RPL13: variants seen among roughly 807,000 people sequenced by gnomAD.
RPL13 encodes ribosomal protein L13.
A neutral mutation model predicts 21.4 loss-of-function variants in RPL13; 1 was observed. The ratio of observed to expected loss-of-function variants is 0.05; its 90% CI spans 0.02 to 0.22. The LOEUF is 0.22. RPL13 is among the 10% of genes least tolerant of loss of function. The pLI, the probability that RPL13 is intolerant of heterozygous loss-of-function variation, is 1.00. For missense variants in RPL13, 289 were observed against 303.0 expected (o/e 0.95, Z 0.34); for synonymous variants, 143 against 120.5 (o/e 1.19, Z -1.23).
At chr16:89,566,720 G>T (rs748557244), downstream of RPL13, 8 of 152,210 alleles carry the variant, frequency 5.3e-5, no homozygotes, top group South Asian at 2.1e-4. Flanking sequence ...AGACGAGTGT[G>T]CATCTTTGAG....
downstream of RPL13, chr16:89,566,731 T>C (rs1200754740): frequency 6.6e-6 from 1 of 152,068 alleles, no homozygotes; most frequent in East Asian, 1.9e-4. Context: ...CATCTTTGAG[T>C]TGTAACACGT....
In RPL13 at chr16:89,563,156, C is replaced by A; in HGVS notation, c.*114C>A. On this transcript the variant is annotated 3_prime_UTR_variant, in exon 6 of 6. Transcript: ENST00000311528. Reference sequence around the variant, plus strand: ...CTTCACTGCTGTGACTTCCTCCTGCCAGGGGATTTGGGGCTTTCTTGAAAG... The same window carrying A: ...CTTCACTGCTGTGACTTCCTCCTGCAAGGGGATTTGGGGCTTTCTTGAAAG... The A allele has an allele frequency of 9.4e-7, 1 of 1,069,184 alleles. No homozygotes were observed. Among genetic ancestry groups the A allele is most frequent in the Non-Finnish European group, 1.3e-6 (1 of 794,628 alleles). 66.2% of individuals were successfully genotyped at this position (1,069,184 alleles called of 1,614,324 possible). A position where few individuals can be genotyped will look rare whatever the true frequency, so the allele number is the denominator to read the frequency against.
intron 4 of RPL13, 76 bp from the exon 5 acceptor site, chr16:89,562,259 A>T: frequency 1.4e-6 from 2 of 1,408,202 alleles, no homozygotes; most frequent in Non-Finnish European, 2.0e-6. Context: ...CCCAGGGGAA[A>T]GTTTGGGGCC....
At position 89,561,861 on chromosome 16, in the gene RPL13, T is replaced by C. The variant is rs867557543; in HGVS notation, c.420+110T>C. ...TGCTGGGGTGAGAAGAACCAAAACA[T>C]TGTGGGTGATGAGCTAAGCGGGACT... On this transcript the variant is annotated intron_variant, in intron 4 of 5. Coordinates refer to ENST00000311528, the MANE Select transcript of RPL13 (RefSeq NM_000977.4). The C allele has an allele frequency of 1.2e-4, 145 of 1,183,024 alleles. 3 individuals carry two copies. In the South Asian group the frequency reaches 2.0e-3, roughly 16 times the overall value. 73.3% of individuals were successfully genotyped at this position (1,183,024 alleles called of 1,614,324 possible).
At position 89,563,880 on chromosome 16, in the gene RPL13, A is replaced by G. The variant is rs1424023523; in HGVS notation, c.*838A>G. 6.6e-6 allele frequency: 1 copy of G among 152,228 alleles called. No homozygotes were observed. Among genetic ancestry groups the G allele is most frequent in the African/African-American group, 2.4e-5 (1 of 41,450 alleles). The allele number at this position is 152,228 out of a possible 1,614,324, so 9.4% of individuals were successfully genotyped here. On this transcript the variant is annotated 3_prime_UTR_variant, in exon 6 of 6. Transcript: ENST00000311528. ...GGCTTCTTCACCCAGACACCAAGGT[A>G]TGAGATGGCCCTGCCAAGTGTCGGC...
In RPL13 at chr16:89,560,702, C is replaced by G. The variant is rs953409836; in HGVS notation, c.-31C>G. The stretch of plus-strand genomic sequence containing the variant: ...GCTTCCTTTCCGCTCGGCTGTTTTC[C>G]TGCGCAGGAGGTGAGGGAGACTGGG... On this transcript the variant is annotated 5_prime_UTR_variant, in exon 1 of 6. Coordinates refer to ENST00000311528, the MANE Select transcript of RPL13 (RefSeq NM_000977.4). The G allele has an allele frequency of 4.8e-6, 2 of 420,192 alleles. No individual in the cohort carries two copies. The highest frequency in any genetic ancestry group is 8.4e-6 in the Non-Finnish European group (2 of 236,892). 26.0% of individuals were successfully genotyped at this position (420,192 alleles called of 1,614,324 possible).
At chr16:89,560,833 G>A in intron 1 of RPL13, 107 bp from the exon 2 acceptor site, 1 of 683,914 alleles carries the variant, frequency 1.5e-6, no homozygotes, top group Non-Finnish European at 2.3e-6. Context: ...CGCTGCCCGG[G>A]CTCTAGGCGC....
At position 89,562,901 on chromosome 16, in the gene RPL13, A is replaced by G; in HGVS notation, c.495A>G (p.Lys165=). ...MPVRNVYKKE[K]ARVITEEEKN... The stretch of plus-strand genomic sequence containing the variant: ...TCTTCTAGGTCTATAAGAAGGAGAA[A>G]GCTCGAGTCATCACTGAGGAAGAGA... Residue 165 remains lysine, a synonymous_variant, in exon 6 of 6, where the codon AAA becomes AAG. Coordinates refer to ENST00000311528, the MANE Select transcript of RPL13 (RefSeq NM_000977.4). The G allele has an allele frequency of 6.3e-7, 1 of 1,579,150 alleles. No homozygotes were observed. The highest frequency in any genetic ancestry group is 8.6e-7 in the Non-Finnish European group (1 of 1,166,040).
intron 1 of RPL13, 25 bp from the exon 2 acceptor site, chr16:89,560,915 T>C: frequency 6.5e-7 from 1 of 1,539,684 alleles, no homozygotes; most frequent in East Asian, 2.5e-5. Context: ...GTCCGGCCTC[T>C]CACTCGCTCC....
intron 4 of RPL13, 144 bp from the exon 5 acceptor site, chr16:89,562,191 T>C (rs2058750133): frequency 2.0e-5 from 15 of 738,984 alleles, no homozygotes; most frequent in East Asian, 5.4e-5. Flanking sequence ...GTTCTTAACA[T>C]TGGGGCCACA....
chr16:89,566,639 G>T (rs1182139516), downstream of RPL13: 1 of 151,584 alleles, frequency 6.6e-6, no homozygotes, highest in African/African-American at 2.4e-5. Context: ...CCTCCAGCCT[G>T]CATGACAGAG....
chr16:89,561,113 C>A, intron 2 of RPL13, 50 bp downstream of exon 2: 1 of 1,556,122 alleles, frequency 6.4e-7, no homozygotes, highest in Non-Finnish European at 8.7e-7. Context: ...CGCGGCTGCG[C>A]CTTGGCTTGC....
At position 89,563,143 on chromosome 16, in the gene RPL13, G is replaced by T; in HGVS notation, c.*101G>T. 1 of 1,153,502 alleles carries T rather than the reference G, an allele frequency of 8.7e-7. No individual in the cohort carries two copies. Among genetic ancestry groups the T allele is most frequent in the Non-Finnish European group, 1.2e-6 (1 of 868,936 alleles). 71.5% of individuals were successfully genotyped at this position (1,153,502 alleles called of 1,614,324 possible). A position where few individuals can be genotyped will look rare whatever the true frequency, so the allele number is the denominator to read the frequency against. ...GCCTGGGATGGGGCTTCACTGCTGT[G>T]ACTTCCTCCTGCCAGGGGATTTGGG... On this transcript the variant is annotated 3_prime_UTR_variant, in exon 6 of 6. Transcript: ENST00000311528.
At chr16:89,562,432 C>G in intron 5 of RPL13, 41 bp downstream of exon 5, 1 of 1,593,328 alleles carries the variant, frequency 6.3e-7, no homozygotes, top group Non-Finnish European at 8.6e-7. Context: ...CAGACGAGAT[C>G]AGTGGGTGAA....
downstream of RPL13, chr16:89,564,906 G>T (rs1220324164): frequency 6.6e-6 from 1 of 152,346 alleles, no homozygotes; most frequent in Non-Finnish European, 1.5e-5. Flanking sequence ...CGTGAATGGA[G>T]CAGAGGTCTG....
rs1231887446 is a variant in RPL13 at position 89,563,715 on chromosome 16, C to T, written c.*673C>T. 1.3e-5 allele frequency: 2 copies of T among 152,250 alleles called. No individual in the cohort carries two copies. Among genetic ancestry groups the T allele is most frequent in the Admixed American group, 6.5e-5 (1 of 15,278 alleles). The allele number at this position is 152,250 out of a possible 1,614,324, so 9.4% of individuals were successfully genotyped here. ...TAGAGGGGTTTATAGGCACGAGACC[C>T]TGCACCCAACCTAGAGTTGCCTTTT... is the stretch of plus-strand genomic sequence containing the variant. On this transcript the variant is annotated 3_prime_UTR_variant, in exon 6 of 6. Transcript: ENST00000311528.
chr16:89,561,323 C>T lies in RPL13; in HGVS notation c.201C>T (p.His67=), dbSNP rs990905539. 8 of 1,594,624 alleles carry T rather than the reference C, an allele frequency of 5.0e-6. No homozygotes were observed. In the Admixed American group the frequency reaches 1.0e-4, roughly 21 times the overall value. The change falls in exon 3 of 6, where the codon CAC becomes CAT. Residue 67 remains histidine (H), a synonymous_variant. Transcript: ENST00000311528. ...TGCGCTGCCCCACGGTTCGGTACCA[C>T]ACGAAGGTGCGCGCCGGCCGCGGCT... ...PIVRCPTVRY[H]TKVRAGRGFS...
rs2152414803 is a variant in RPL13 at position 89,562,583 on chromosome 16, G to A, written c.477+192G>A. 4 of 598,562 alleles carry A rather than the reference G, an allele frequency of 6.7e-6. No homozygotes were observed. In the South Asian group the frequency reaches 9.5e-5, roughly 14 times the overall value. 37.1% of individuals were successfully genotyped at this position (598,562 alleles called of 1,614,324 possible). A position where few individuals can be genotyped will look rare whatever the true frequency, so the allele number is the denominator to read the frequency against. ...CAACCATGAAGCCATACATTGGGAA[G>A]TATTTTTGTTTGTTTTGTGTTTTTT... On this transcript the variant is annotated intron_variant, in intron 5 of 5. Coordinates refer to ENST00000311528, the MANE Select transcript of RPL13 (RefSeq NM_000977.4).
chr16:89,560,705 C>G lies in RPL13; in HGVS notation c.-28C>G, dbSNP rs527519503. On this transcript the variant is annotated 5_prime_UTR_variant, in exon 1 of 6. Transcript: ENST00000311528. ...TCCTTTCCGCTCGGCTGTTTTCCTG[C>G]GCAGGAGGTGAGGGAGACTGGGTCC... 4.0e-4 allele frequency: 172 copies of G among 426,438 alleles called. 1 individual carries two copies. The Middle Eastern group carries it at 0.011, about 27-fold the overall frequency. The allele number at this position is 426,438 out of a possible 1,614,324, so 26.4% of individuals were successfully genotyped here. A position where few individuals can be genotyped will look rare whatever the true frequency, so the allele number is the denominator to read the frequency against.
Sources: gnomAD v4.1 joint callset for allele counts on GRCh38, gnomAD v4.1.1 for gene constraint, MANE v1.5 for transcripts, NCBI Gene and HGNC (gene_info 2026-07-23, HGNC 2026-07-21) for gene names.